Variants in BNIP3L observed in about 807,000 individuals in gnomAD.
The protein encoded by BNIP3L is BCL2/adenovirus E1B 19 kDa protein-interacting protein 3-like.
In BNIP3L, 10 loss-of-function variants were observed where a neutral mutation model predicts 25.5. That is an observed-to-expected ratio of 0.39 (90% CI 0.24 to 0.67). The LOEUF (loss-of-function observed/expected upper bound fraction) is 0.67. Among genes scored for constraint, BNIP3L ranks in the 30% least tolerant of loss-of-function variants. The probability of loss-of-function intolerance (pLI) is 0.45; values close to 1 mark genes in which losing one functional copy is unlikely to be tolerated. For missense variants in BNIP3L, 215 were observed against 270.9 expected (o/e 0.79, Z 1.45); for synonymous variants, 113 against 101.2 (o/e 1.12, Z -0.70).
intron 3 of BNIP3L, among the ~76,000 whole-genome samples, chr8:26,400,534 G>A (rs1444780581): frequency 7.2e-6 from 1 of 138,242 alleles, no homozygotes; most frequent in Non-Finnish European, 1.5e-5. Flanking sequence ...AACACCAAAA[G>A]CAATGGCAAC....
At chr8:26,399,513 AG>A (rs1192201224) in intron 3 of BNIP3L, among the ~76,000 whole-genome samples, 1 of 19,238 alleles carries the variant, frequency 5.2e-5, no homozygotes, top group African/African-American at 2.4e-4. Context: ...GGCACAAGAC[AG>A]GGATGCCCTC....
At chr8:26,389,386 A>T (rs1405500532) in intron 1 of BNIP3L, among the ~76,000 whole-genome samples, 1 of 152,026 alleles carries the variant, frequency 6.6e-6, no homozygotes, top group Non-Finnish European at 1.5e-5. Context: ...CTCCAGAGGC[A>T]CTCGAGATAA....
intron 5 of BNIP3L, 114 bp downstream of exon 5, chr8:26,408,490 C>T: frequency 7.9e-7 from 1 of 1,261,986 alleles, no homozygotes. Flanking sequence ...TGTTTTAGTG[C>T]AAATAAGGTG....
intron 3 of BNIP3L, among the ~76,000 whole-genome samples, chr8:26,398,425 C>T (rs867655485): frequency 3.1e-4 from 20 of 63,604 alleles, no homozygotes; most frequent in African/African-American, 1.1e-3. Flanking sequence ...TTGAAACCAA[C>T]GAGAACAAAG....
chr8:26,408,298 G>C lies in BNIP3L; in HGVS notation c.533G>C (p.Gly178Ala), dbSNP rs771290000. 2.8e-5 allele frequency: 45 copies of C among 1,613,902 alleles called. No homozygotes were observed. Among genetic ancestry groups the C allele is most frequent in the Middle Eastern group, 3.3e-4 (2 of 6,084 alleles). Residue 178 changes from glycine to alanine, a missense_variant, in exon 5 of 6, where the codon GGG becomes GCG. By Grantham distance (60) the Gly-to-Ala change is moderately conservative. Coordinates refer to ENST00000380629, the MANE Select transcript of BNIP3L (RefSeq NM_004331.3). ...AGGAAAAGTGGAGCCATGAAGAAAG[G>C]GGGTATTTTCTCCGCAGAATTTCTG... ...SMRKSGAMKKGGIFSAEFLKV... is the reference protein window; with the variant it reads ...SMRKSGAMKKAGIFSAEFLKV...
chr8:26,405,586 G>T (rs536871436), intron 3 of BNIP3L, among the ~76,000 whole-genome samples: 1 of 152,170 alleles, frequency 6.6e-6, no homozygotes, highest in South Asian at 2.1e-4. Flanking sequence ...GACCTGTCAA[G>T]AGTCATGTGA....
Position 26,410,242 on chromosome 8 carries a change from T to G in BNIP3L, c.612-122T>G, listed in dbSNP as rs887646239. 3 of 1,068,632 alleles carry G rather than the reference T, an allele frequency of 2.8e-6. No individual in the cohort carries two copies. In the East Asian group the frequency reaches 7.3e-5, roughly 26 times the overall value. 66.2% of individuals were successfully genotyped at this position (1,068,632 alleles called of 1,614,324 possible). A position where few individuals can be genotyped will look rare whatever the true frequency, so the allele number is the denominator to read the frequency against. On this transcript the variant is annotated intron_variant, in intron 5 of 5. Coordinates refer to ENST00000380629, the MANE Select transcript of BNIP3L (RefSeq NM_004331.3). ...TGATTTCACGGTGTTTGGGGAGCGG[T>G]ACCCACAAACCTTTAGAGCCTTTTA... is the stretch of plus-strand genomic sequence containing the variant.
intron 1 of BNIP3L, among the ~76,000 whole-genome samples, chr8:26,385,382 A>G (rs976813463): frequency 2.0e-5 from 3 of 151,878 alleles, no homozygotes; most frequent in South Asian, 2.1e-4. Flanking sequence ...GGATCACTTG[A>G]GGTCAGGAGT....
At chr8:26,402,189 G>A (rs139153612) in intron 3 of BNIP3L, among the ~76,000 whole-genome samples, 69 of 152,184 alleles carry the variant, frequency 4.5e-4, no homozygotes, top group African/African-American at 1.6e-3. Flanking sequence ...CTGAAATGTC[G>A]AAAATCTTTG....
chr8:26,396,010 CTG>C (rs1806232319), intron 3 of BNIP3L: 1 of 154,112 alleles, frequency 6.5e-6, no homozygotes, highest in Non-Finnish European at 1.5e-5. Flanking sequence ...GCACAGCAGT[CTG>C]AGATCAAACT....
intron 1 of BNIP3L, 199 bp downstream of exon 1, chr8:26,383,429 G>A (rs1805901681): frequency 7.1e-7 from 1 of 1,412,306 alleles, no homozygotes; most frequent in Non-Finnish European, 9.2e-7. Flanking sequence ...GTTGCCTCCT[G>A]GGGTCTTGGG....
chr8:26,385,027 C>T (rs915423773), intron 1 of BNIP3L, among the ~76,000 whole-genome samples: 2 of 151,972 alleles, frequency 1.3e-5, no homozygotes, highest in African/African-American at 2.4e-5. Flanking sequence ...GTCATCCGCC[C>T]GCCTGGGCCT....
chr8:26,411,675 C>T lies in BNIP3L; in HGVS notation c.*1263C>T, dbSNP rs1042992. ...AGATTCCTTCAGTGATATACTTGTTCGTTCATTTCTAAAATGTGAAGCTTT... is the reference window on the plus strand; with the variant it reads ...AGATTCCTTCAGTGATATACTTGTTTGTTCATTTCTAAAATGTGAAGCTTT... On this transcript the variant is annotated 3_prime_UTR_variant, in exon 6 of 6. Coordinates refer to ENST00000380629, the MANE Select transcript of BNIP3L (RefSeq NM_004331.3). 29,542 of 152,468 alleles carry T rather than the reference C, an allele frequency of 0.19. 3,105 individuals are homozygous for T. Among genetic ancestry groups the T allele is most frequent in the East Asian group, 0.41 (2,124 of 5,170 alleles). 9.4% of individuals were successfully genotyped at this position (152,468 alleles called of 1,614,324 possible).
chr8:26,408,873 G>GAA (rs36118116), intron 5 of BNIP3L, among the ~76,000 whole-genome samples: 60 of 76,112 alleles, frequency 7.9e-4, no homozygotes, highest in East Asian at 2.2e-3. Flanking sequence ...CTCCATCTCG[G>GAA]AAAAAAAAAA....
At position 26,391,438 on chromosome 8, in the gene BNIP3L, C is replaced by A. The variant is rs1387092982; in HGVS notation, c.284+12C>A. Reference sequence around the variant, plus strand: ...TCTCACTGTGACAGGTAAGTGAGACCCATGTTTTGGTGGAATTCAGGAAAC... The same window carrying A: ...TCTCACTGTGACAGGTAAGTGAGACACATGTTTTGGTGGAATTCAGGAAAC... On this transcript the variant is annotated intron_variant, in intron 2 of 5. Transcript: ENST00000380629. 1.4e-5 allele frequency: 21 copies of A among 1,510,132 alleles called. No homozygotes were observed. The highest frequency in any genetic ancestry group is 1.9e-5 in the Non-Finnish European group (21 of 1,124,538). The allele number at this position is 1,510,132 out of a possible 1,614,324, so 93.5% of individuals were successfully genotyped here.
At chr8:26,392,694 T>A (rs1806140885) in intron 2 of BNIP3L, among the ~76,000 whole-genome samples, 1 of 152,166 alleles carries the variant, frequency 6.6e-6, no homozygotes, top group Admixed American at 6.5e-5. Context: ...TTCCAGTAGC[T>A]ACAGCATTAG....
Position 26,409,690 on chromosome 8 carries a change from C to T in BNIP3L, c.612-674C>T, listed in dbSNP as rs1483700654. On this transcript the variant is annotated intron_variant, in intron 5 of 5. Coordinates refer to ENST00000380629, the MANE Select transcript of BNIP3L (RefSeq NM_004331.3). ...TATACCTTGCCGTCTCTCTTTCAGT[C>T]ATCTTCAGATTGTTTGTCTTGGCTG... 8.7e-4 allele frequency among the ~76,000 whole-genome samples: 133 copies of T among 152,312 alleles called. 1 individual carries two copies. Among genetic ancestry groups the T allele is most frequent in the Non-Finnish European group, 1.6e-4 (11 of 68,032 alleles).
At chr8:26,388,758 C>G (rs893006195) in intron 1 of BNIP3L, among the ~76,000 whole-genome samples, 1 of 151,862 alleles carries the variant, frequency 6.6e-6, no homozygotes, top group African/African-American at 2.4e-5. Context: ...ATTGCTGAAG[C>G]CCAGGAGTTT....
chr8:26,407,987 T>G lies in BNIP3L; in HGVS notation c.358-13T>G. On this transcript the variant is annotated splice_polypyrimidine_tract_variant and intron_variant, in intron 3 of 5. Transcript: ENST00000380629. Reference sequence around the variant, plus strand: ...CTTCCTTTTTTTCTTAAAGTTTGAATTCTTCTTTACAGTCAGAAGAAGAAG... The same window carrying G: ...CTTCCTTTTTTTCTTAAAGTTTGAAGTCTTCTTTACAGTCAGAAGAAGAAG... 1 of 1,612,234 alleles carries G rather than the reference T, an allele frequency of 6.2e-7. No homozygotes were observed. Among genetic ancestry groups the G allele is most frequent in the Non-Finnish European group, 8.5e-7 (1 of 1,178,422 alleles).
Sources: allele counts gnomAD v4.1 joint callset (sites outside exome capture counted in the v4.1 genomes callset), GRCh38; gene constraint gnomAD v4.1.1; transcripts MANE v1.5; gene names NCBI Gene and HGNC (gene_info 2026-07-23, HGNC 2026-07-21).